Variants in PCDHGC4 observed in about 807,000 individuals in gnomAD.
PCDHGC4 encodes the protein protocadherin gamma subfamily C, 4, also known as protocadherin gamma-C4.
In PCDHGC4, 15 loss-of-function variants were observed where a neutral mutation model predicts 59.7. The observed-to-expected ratio is 0.25, with a 90% CI of 0.17 to 0.39. The LOEUF (loss-of-function observed/expected upper bound fraction) is 0.39, where lower values mean the gene tolerates loss of function less well. PCDHGC4 is among the 10% of genes least tolerant of loss of function. The probability of loss-of-function intolerance (pLI) is 1.00; values close to 1 mark genes in which losing one functional copy is unlikely to be tolerated. For synonymous variants in PCDHGC4, 434 were observed against 481.4 expected, an observed-to-expected ratio of 0.90 and a Z score of 1.29; for missense variants, 1,016 against 1,189.5, an observed-to-expected ratio of 0.85 and a Z score of 2.15.
Position 141,486,617 on chromosome 5 carries a change from C to G in PCDHGC4, c.1444C>G (p.Pro482Ala). ...GCTTTGCTCCCTTGCAGCCTCTGAC[C>G]CAGACTCTGGCTTGAATGCGCTTAT... ...DLLCSLAASD[P>A]DSGLNALISY... The change falls in exon 1 of 4, where the codon CCA becomes GCA. Residue 482 changes from proline to alanine, a missense_variant. Physicochemically the swap from Pro to Ala is conservative, Grantham distance 27. Transcript: ENST00000306593. This position sits in a 1 kb window ranked among gnomAD's most constrained non-coding sequence, Gnocchi z 5.0. 1 of 1,613,602 alleles carries G rather than the reference C, an allele frequency of 6.2e-7. No homozygotes were observed. Among genetic ancestry groups the G allele is most frequent in the South Asian group, 1.1e-5 (1 of 91,086 alleles).
At chr5:141,498,457 G>A (rs1028236637) in intron 2 of PCDHGC4, among the ~76,000 whole-genome samples, 8 of 152,126 alleles carry the variant, frequency 5.3e-5, no homozygotes, top group African/African-American at 1.9e-4. Flanking sequence ...CTTTTATCCA[G>A]TCTAACCCTG....
rs747159210 is a variant in PCDHGC4, at chr5:141,511,184, A to C, written c.*11A>C. 1.2e-5 allele frequency: 19 copies of C among 1,613,876 alleles called. No homozygotes were observed. In the Admixed American group the frequency reaches 3.2e-4, roughly 27 times the overall value. ...AAGGAGAAGAAGTAACATGGAGGCC[A>C]GGCCAAGAGCCACAGGGCGGCCTCT... is the stretch of plus-strand genomic sequence containing the variant. On this transcript the variant is annotated 3_prime_UTR_variant, in exon 4 of 4. Transcript: ENST00000306593.
Position 141,485,814 on chromosome 5 carries a change from C to T in PCDHGC4, c.641C>T (p.Ala214Val), listed in dbSNP as rs2099619616. 7.4e-6 allele frequency: 12 copies of T among 1,613,982 alleles called. No individual in the cohort carries two copies. The East Asian group carries it at 2.2e-4, about 30-fold the overall frequency. Residue 214 changes from alanine to valine, a missense_variant, in exon 1 of 4, where the codon GCT becomes GTT. Coordinates refer to ENST00000306593, the MANE Select transcript of PCDHGC4 (RefSeq NM_018928.3). This position sits in a 1 kb window ranked among gnomAD's most constrained non-coding sequence, Gnocchi z 5.7. ...TCGGACTACCGCCTGGTGCTGACTG[C>T]TGTCGATGGAGGGAACCCGCCGAGA... ...KQSDYRLVLT[A>V]VDGGNPPRSG... is the part of the protein sequence containing the mutation.
chr5:141,491,254 G>A lies in PCDHGC4; in HGVS notation c.2443-3553G>A, dbSNP rs746242389. ...GCTGGTTCTGGAGGATGAGGACCCT[G>A]AGGAAATGCCCAAATCCAGTGACTT... is the stretch of plus-strand genomic sequence containing the variant. On this transcript the variant is annotated intron_variant, in intron 1 of 3. Coordinates refer to ENST00000306593, the MANE Select transcript of PCDHGC4 (RefSeq NM_018928.3). This position sits in a 1 kb window ranked among gnomAD's most constrained non-coding sequence, Gnocchi z 6.9. 24 of 1,614,198 alleles carry A rather than the reference G, an allele frequency of 1.5e-5. No individual in the cohort carries two copies. The highest frequency in any genetic ancestry group is 2.0e-5 in the Non-Finnish European group (24 of 1,180,018).
chr5:141,506,645 A>G (rs1229614297), intron 3 of PCDHGC4, among the ~76,000 whole-genome samples: 3 of 152,188 alleles, frequency 2.0e-5, no homozygotes, highest in African/African-American at 7.2e-5. Context: ...CCCTCAGCAC[A>G]GGATTGGCAG....
chr5:141,485,152 A>T lies in PCDHGC4; in HGVS notation c.-22A>T. 1.3e-6 allele frequency: 2 copies of T among 1,586,090 alleles called. No homozygotes were observed. Among genetic ancestry groups the T allele is most frequent in the Non-Finnish European group, 8.6e-7 (1 of 1,157,176 alleles). ...CTTCATCCGCGTCTCAGGAGCAAGT[A>T]GAGAATTAGCGGGCGGCAGCAATGC... On this transcript the variant is annotated 5_prime_UTR_variant, in exon 1 of 4. Coordinates refer to ENST00000306593, the MANE Select transcript of PCDHGC4 (RefSeq NM_018928.3). This position sits in a 1 kb window ranked among gnomAD's most constrained non-coding sequence, Gnocchi z 5.7.
In PCDHGC4 at chr5:141,487,680, A is replaced by G; in HGVS notation, c.2442+65A>G. On this transcript the variant is annotated intron_variant, in intron 1 of 3. Coordinates refer to ENST00000306593, the MANE Select transcript of PCDHGC4 (RefSeq NM_018928.3). This position sits in a 1 kb window ranked among gnomAD's most constrained non-coding sequence, Gnocchi z 5.0. ...TCTGATCCAGGCATATGGCTAGGCC[A>G]TGTCCTAGAGAGTACTGGCCTCTCA... 6.2e-7 allele frequency: 1 copy of G among 1,609,370 alleles called. No individual in the cohort carries two copies. The highest frequency in any genetic ancestry group is 2.2e-5 in the East Asian group (1 of 44,826).
At chr5:141,505,143 CAG>C (rs1332770308) in intron 2 of PCDHGC4, among the ~76,000 whole-genome samples, 1 of 152,172 alleles carries the variant, frequency 6.6e-6, no homozygotes, top group Non-Finnish European at 1.5e-5. Context: ...GCCTGGATGA[CAG>C]AGTAAGACCC....
intron 2 of PCDHGC4, among the ~76,000 whole-genome samples, chr5:141,501,690 A>G (rs760011264): frequency 5.3e-5 from 8 of 152,158 alleles, no homozygotes; most frequent in Non-Finnish European, 1.0e-4. Context: ...ACTTATCTGC[A>G]GGGTGATTCC....
chr5:141,494,844 C>T lies in PCDHGC4; in HGVS notation c.2480C>T (p.Ala827Val). The change falls in exon 2 of 4, where the codon GCC becomes GTC. Residue 827 changes from alanine to valine, a missense_variant. Ala to Val is a moderately conservative substitution (Grantham distance 64). Coordinates refer to ENST00000306593, the MANE Select transcript of PCDHGC4 (RefSeq NM_018928.3). ...PPNTDWRFSQ[A>V]QRPGTSGSQN... The stretch of plus-strand genomic sequence containing the variant: ...AACACGGACTGGCGTTTCTCTCAGG[C>T]CCAGAGACCCGGCACCAGCGGGTAG... The T allele has an allele frequency of 6.2e-7, 1 of 1,614,190 alleles. No homozygotes were observed. The highest frequency in any genetic ancestry group is 8.5e-7 in the Non-Finnish European group (1 of 1,180,028).
intron 2 of PCDHGC4, among the ~76,000 whole-genome samples, chr5:141,499,983 C>T (rs765029745): frequency 5.3e-5 from 8 of 151,352 alleles, no homozygotes; most frequent in African/African-American, 9.7e-5. Context: ...CCACCTTGCC[C>T]GGCCAGATGA....
In PCDHGC4 at chr5:141,487,456, G is replaced by A. The variant is rs1041154635; in HGVS notation, c.2283G>A (p.Lys761=). ...RIQLGSDDPI[K]FVDVGGHSHG... Reference sequence around the variant, plus strand: ...AGCTAGGGTCAGATGACCCTATCAAGTTTGTTGATGTGGGAGGCCACTCTC... The same window carrying A: ...AGCTAGGGTCAGATGACCCTATCAAATTTGTTGATGTGGGAGGCCACTCTC... Residue 761 remains lysine (K), a synonymous_variant, in exon 1 of 4, where the codon AAG becomes AAA. Coordinates refer to ENST00000306593, the MANE Select transcript of PCDHGC4 (RefSeq NM_018928.3). The surrounding 1 kb of genome is among the most constrained non-coding windows in gnomAD (Gnocchi z 5.0). 6.2e-7 allele frequency: 1 copy of A among 1,614,196 alleles called. No individual in the cohort carries two copies. The highest frequency in any genetic ancestry group is 8.5e-7 in the Non-Finnish European group (1 of 1,180,026).
At chr5:141,508,806 C>T (rs1243735850) in intron 3 of PCDHGC4, among the ~76,000 whole-genome samples, 1 of 152,066 alleles carries the variant, frequency 6.6e-6, no homozygotes, top group African/African-American at 2.4e-5. Flanking sequence ...AATCCTGGCT[C>T]TTTGAAGCCA....
Position 141,489,368 on chromosome 5 carries a change from C to T in PCDHGC4, c.2442+1753C>T, listed in dbSNP as rs889945954. The T allele has an allele frequency of 1.2e-5, 20 of 1,613,264 alleles. No homozygotes were observed. The highest frequency in any genetic ancestry group is 1.6e-5 in the Non-Finnish European group (19 of 1,179,484). On this transcript the variant is annotated intron_variant, in intron 1 of 3. Transcript: ENST00000306593. The surrounding 1 kb of genome is among the most constrained non-coding windows in gnomAD (Gnocchi z 4.5). The stretch of plus-strand genomic sequence containing the variant: ...GTGGTGGAGGAGTCTGAGCCGGGGA[C>T]GCTGGTGGGGAATGTTGCTCAGGAT...
rs2154586748 is a variant in PCDHGC4 at position 141,491,733 on chromosome 5, T to A, written c.2443-3074T>A. The A allele has an allele frequency of 6.2e-7, 1 of 1,602,698 alleles. No individual in the cohort carries two copies. Among genetic ancestry groups the A allele is most frequent in the Non-Finnish European group, 8.5e-7 (1 of 1,175,258 alleles). On this transcript the variant is annotated intron_variant, in intron 1 of 3. Transcript: ENST00000306593. The surrounding 1 kb of genome is among the most constrained non-coding windows in gnomAD (Gnocchi z 6.9). ...GCTCGGCGCCGCCCCGGGCGACCCC[T>A]GGGGGCGGCACTGGAGAAGCCGCCC...
At position 141,505,425 on chromosome 5, in the gene PCDHGC4, C is replaced by G; in HGVS notation, c.2534C>G (p.Pro845Arg). 1 of 1,614,178 alleles carries G rather than the reference C, an allele frequency of 6.2e-7. No individual in the cohort carries two copies. Among genetic ancestry groups the G allele is most frequent in the Non-Finnish European group, 8.5e-7 (1 of 1,180,014 alleles). ...SQNGDDTGTW[P>R]NNQFDTEMLQ... ...AATGGCGATGACACCGGCACCTGGC[C>G]CAACAACCAGTTTGACACAGAGATG... The change falls in exon 3 of 4, where the codon CCC becomes CGC. Residue 845 changes from proline to arginine, a missense_variant. Transcript: ENST00000306593.
At chr5:141,502,866 C>CTTT (rs549047197) in intron 2 of PCDHGC4, among the ~76,000 whole-genome samples, 3 of 128,046 alleles carry the variant, frequency 2.3e-5, no homozygotes, top group African/African-American at 9.3e-5. Context: ...GACTCTCTGT[C>CTTT]TTTTTTTTTT....
rs1316573600 is a variant in PCDHGC4 at position 141,490,443 on chromosome 5, G to A, written c.2442+2828G>A. The A allele has an allele frequency of 1.2e-6, 2 of 1,614,174 alleles. No individual in the cohort carries two copies. Among genetic ancestry groups the A allele is most frequent in the Non-Finnish European group, 8.5e-7 (1 of 1,180,042 alleles). On this transcript the variant is annotated intron_variant, in intron 1 of 3. Coordinates refer to ENST00000306593, the MANE Select transcript of PCDHGC4 (RefSeq NM_018928.3). The surrounding 1 kb of genome is among the most constrained non-coding windows in gnomAD (Gnocchi z 5.4). ...TGCCATTTCAGATTAAGCCTTCTGA[G>A]AACCACTACTCGCTGCTAACCAGCC...
chr5:141,491,823 C>T lies in PCDHGC4; in HGVS notation c.2443-2984C>T, dbSNP rs1242708273. On this transcript the variant is annotated intron_variant, in intron 1 of 3. Transcript: ENST00000306593. The surrounding 1 kb of genome is among the most constrained non-coding windows in gnomAD (Gnocchi z 6.9). ...GCCGGCTTGGTCGCTGGCTGCGCTC[C>T]ACCCGATTCTCGGGATCATTGGACC... The T allele has an allele frequency of 2.7e-6, 4 of 1,479,038 alleles. No homozygotes were observed. Among genetic ancestry groups the T allele is most frequent in the Non-Finnish European group, 3.6e-6 (4 of 1,115,300 alleles). 91.6% of individuals were successfully genotyped at this position (1,479,038 alleles called of 1,614,324 possible).
Sources: allele counts gnomAD v4.1 joint callset (sites outside exome capture counted in the v4.1 genomes callset), GRCh38; gene constraint gnomAD v4.1.1; non-coding constraint Gnocchi (gnomAD v3.1); transcripts MANE v1.5; gene names NCBI Gene and HGNC (gene_info 2026-07-23, HGNC 2026-07-21).